Variants in LRRC4C observed in about 807,000 individuals in gnomAD.
The protein encoded by LRRC4C is leucine-rich repeat-containing protein 4C.
Under a neutral mutation model 33.6 loss-of-function variants are expected in LRRC4C, and 5 were observed. The ratio of observed to expected loss-of-function variants is 0.15; its 90% confidence interval spans 0.08 to 0.31. The LOEUF (loss-of-function observed/expected upper bound fraction) is 0.31. Ranked by LOEUF, LRRC4C falls within the 10% of genes least tolerant of loss-of-function variation. LRRC4C has a pLI of 1.00. For synonymous variants in LRRC4C, 329 were observed against 302.0 expected (o/e 1.09, Z -0.93); for missense variants, 560 against 796.7 (o/e 0.70, Z 3.58).
intron 3 of LRRC4C, among the ~76,000 whole-genome samples, chr11:40,562,273 C>T (rs1957579014): frequency 6.6e-6 from 1 of 151,996 alleles, no homozygotes; most frequent in Admixed American, 6.6e-5. Context: ...TAAATGTTAA[C>T]AAAATAAAAT....
chr11:41,108,346 C>T (rs998745339), intron 1 of LRRC4C, among the ~76,000 whole-genome samples: 1 of 152,078 alleles, frequency 6.6e-6, no homozygotes, highest in Non-Finnish European at 1.5e-5. Flanking sequence ...TAGAGCCTTA[C>T]CACGATTTGT....
intron 1 of LRRC4C, among the ~76,000 whole-genome samples, chr11:41,404,335 T>C (rs1242813483): frequency 6.6e-6 from 1 of 152,020 alleles, no homozygotes; most frequent in African/African-American, 2.4e-5. Context: ...GTTTGCTTTC[T>C]AGTAAATGGT....
intron 1 of LRRC4C, among the ~76,000 whole-genome samples, chr11:41,125,535 A>G (rs1942694453): frequency 1.3e-5 from 2 of 152,198 alleles, no homozygotes; most frequent in African/African-American, 4.8e-5. Flanking sequence ...TTGCATTATT[A>G]TAATTATCAT....
intron 2 of LRRC4C, among the ~76,000 whole-genome samples, chr11:40,933,009 A>G (rs1443790877): frequency 6.6e-6 from 1 of 152,216 alleles, no homozygotes; most frequent in African/African-American, 2.4e-5. Flanking sequence ...CAAGAAAAAT[A>G]TGCCAGGGGA....
chr11:40,450,211 T>C (rs771647485), intron 3 of LRRC4C, among the ~76,000 whole-genome samples: 1 of 152,180 alleles, frequency 6.6e-6, no homozygotes, highest in Non-Finnish European at 1.5e-5. Flanking sequence ...TATGTTTGAT[T>C]AGTTAATATA....
intron 3 of LRRC4C, among the ~76,000 whole-genome samples, chr11:40,493,597 G>A (rs1954273934): frequency 6.6e-6 from 1 of 152,124 alleles, no homozygotes; most frequent in Admixed American, 6.6e-5. Flanking sequence ...GAATTGTTCA[G>A]GTTGTTGAGA....
At chr11:41,350,967 T>C (rs1404283471) in intron 1 of LRRC4C, among the ~76,000 whole-genome samples, 3 of 152,168 alleles carry the variant, frequency 2.0e-5, no homozygotes, top group Non-Finnish European at 4.4e-5. Flanking sequence ...TGGTGGCTCA[T>C]GCCTATAATC....
rs541783146 is a variant in LRRC4C, at chr11:41,355,996, A to G, written c.-496+103435T>C. ...TCCATATTTAAAAAAGAGGATGATAATAAGTTTTCATTAGTGGCTATGAGT... is the reference window on the plus strand; with the variant it reads ...TCCATATTTAAAAAAGAGGATGATAGTAAGTTTTCATTAGTGGCTATGAGT... On this transcript the variant is annotated intron_variant, in intron 1 of 6. Coordinates refer to ENST00000528697, the MANE Select transcript of LRRC4C (RefSeq NM_001258419.2). Among the ~76,000 whole-genome samples the G allele has an allele frequency of 2.6e-5, 4 of 152,274 alleles. No homozygotes were observed. In the South Asian group the frequency reaches 8.3e-4, roughly 32 times the overall value.
chr11:40,727,526 G>A (rs181332925), intron 2 of LRRC4C, among the ~76,000 whole-genome samples: 11 of 152,064 alleles, frequency 7.2e-5, no homozygotes, highest in Admixed American at 5.2e-4. Context: ...TTATAACTGG[G>A]TCCTCAAAAA....
intron 2 of LRRC4C, among the ~76,000 whole-genome samples, chr11:40,750,225 A>C (rs1948614563): frequency 6.6e-6 from 1 of 152,120 alleles, no homozygotes; most frequent in South Asian, 2.1e-4. Context: ...CTGTCTCAAA[A>C]ACAAACAAAA....
chr11:40,295,698 T>G (rs1944476934), intron 4 of LRRC4C, among the ~76,000 whole-genome samples: 1 of 152,218 alleles, frequency 6.6e-6, no homozygotes, highest in Non-Finnish European at 1.5e-5. Flanking sequence ...AGACTTTTCC[T>G]TACACATGGA....
At chr11:41,420,130 G>T (rs559652484) in intron 1 of LRRC4C, among the ~76,000 whole-genome samples, 1 of 151,828 alleles carries the variant, frequency 6.6e-6, no homozygotes, top group African/African-American at 2.4e-5. Flanking sequence ...TGGCATTTTT[G>T]GATAATAGAA....
At position 41,445,158 on chromosome 11, in the gene LRRC4C, A is replaced by G. The variant is rs117861500; in HGVS notation, c.-496+14273T>C. Among the ~76,000 whole-genome samples the G allele has an allele frequency of 1.6e-3, 241 of 152,200 alleles. 1 individual carries two copies. In the East Asian group the frequency reaches 0.037, roughly 23 times the overall value. ...GCTCCGGCAGTAAACTGTACCTCAA[A>G]ACTAGAAGAAAGGAAGATTTAACAT... On this transcript the variant is annotated intron_variant, in intron 1 of 6. Coordinates refer to ENST00000528697, the MANE Select transcript of LRRC4C (RefSeq NM_001258419.2).
chr11:40,451,478 T>C (rs967092691), intron 3 of LRRC4C, among the ~76,000 whole-genome samples: 1 of 140,042 alleles, frequency 7.1e-6, no homozygotes, highest in Non-Finnish European at 1.5e-5. Flanking sequence ...CTCCGCCTCC[T>C]GGGTTCAAGT....
intron 1 of LRRC4C, among the ~76,000 whole-genome samples, chr11:41,056,140 T>C (rs982870501): frequency 6.6e-5 from 10 of 152,082 alleles, no homozygotes; most frequent in African/African-American, 2.4e-4. Context: ...AAAACTAATA[T>C]CACTTTGCAG....
chr11:40,298,840 G>T (rs986909110), intron 4 of LRRC4C, among the ~76,000 whole-genome samples: 1 of 152,062 alleles, frequency 6.6e-6, no homozygotes, highest in Non-Finnish European at 1.5e-5. Flanking sequence ...AGGGAAAACT[G>T]TCTTACAAAA....
intron 2 of LRRC4C, among the ~76,000 whole-genome samples, chr11:40,846,834 T>C (rs1170524532): frequency 1.3e-5 from 2 of 152,178 alleles, no homozygotes; most frequent in Non-Finnish European, 2.9e-5. Flanking sequence ...CTTATTTCCA[T>C]GAGCAGTGGT....
At chr11:40,539,842 C>T (rs1348962033) in intron 3 of LRRC4C, among the ~76,000 whole-genome samples, 1 of 152,108 alleles carries the variant, frequency 6.6e-6, no homozygotes, top group Non-Finnish European at 1.5e-5. Flanking sequence ...TAGATTCATT[C>T]AGTCTAGTGG....
chr11:41,145,800 A>G (rs1048000391), intron 1 of LRRC4C, among the ~76,000 whole-genome samples: 7 of 152,190 alleles, frequency 4.6e-5, no homozygotes, highest in African/African-American at 1.7e-4. Flanking sequence ...ACTACAGACC[A>G]TAACATTCAG....
Sources: gnomAD v4.1 joint callset for allele counts (sites outside exome capture counted in the v4.1 genomes callset) on GRCh38, gnomAD v4.1.1 for gene constraint, MANE v1.5 for transcripts, NCBI Gene and HGNC (gene_info 2026-07-23, HGNC 2026-07-21) for gene names.